Variants in ASIC2 observed in about 807,000 individuals in gnomAD.
ASIC2 encodes acid-sensing ion channel 2.
A neutral mutation model predicts 57.3 loss-of-function variants in ASIC2; 25 were observed. The ratio of observed to expected loss-of-function variants is 0.44; its 90% CI spans 0.32 to 0.61. The LOEUF (loss-of-function observed/expected upper bound fraction) is 0.61, where lower values mean the gene tolerates loss of function less well. Ranked by LOEUF, ASIC2 falls within the 20% of genes least tolerant of loss-of-function variation. The pLI is 0.06. For synonymous variants in ASIC2, 319 were observed against 307.5 expected (o/e 1.04, Z -0.39); for missense variants, 641 against 738.1 (o/e 0.87, Z 1.52).
chr17:33,422,884 G>A (rs895721915), intron 1 of ASIC2, among the ~76,000 whole-genome samples: 1 of 152,188 alleles, frequency 6.6e-6, no homozygotes, highest in Admixed American at 6.5e-5. Context: ...AGGGACAGTG[G>A]TAGGAACTGA....
chr17:33,862,647 C>T (rs1358591263), intron 1 of ASIC2, among the ~76,000 whole-genome samples: 1 of 152,148 alleles, frequency 6.6e-6, no homozygotes, highest in African/African-American at 2.4e-5. Flanking sequence ...CCCATAATAT[C>T]CAACCAGGTC....
At chr17:33,768,385 G>T (rs930142712) in intron 1 of ASIC2, among the ~76,000 whole-genome samples, 1 of 152,014 alleles carries the variant, frequency 6.6e-6, no homozygotes, top group African/African-American at 2.4e-5. Flanking sequence ...TTATCTAAGG[G>T]TCTAGAATCT....
chr17:33,483,547 G>A (rs1472813594), intron 1 of ASIC2, among the ~76,000 whole-genome samples: 7 of 152,232 alleles, frequency 4.6e-5, no homozygotes, highest in African/African-American at 1.7e-4. Flanking sequence ...AGCTATGTGA[G>A]CTCATACACG....
At chr17:33,639,877 A>G (rs548212377) in intron 1 of ASIC2, among the ~76,000 whole-genome samples, 5 of 152,282 alleles carry the variant, frequency 3.3e-5, no homozygotes, top group Non-Finnish European at 7.4e-5. Context: ...ACATCAATGG[A>G]TAATGATTAT....
intron 1 of ASIC2, among the ~76,000 whole-genome samples, chr17:33,275,665 A>G (rs1199671930): frequency 6.6e-6 from 1 of 152,170 alleles, no homozygotes; most frequent in Non-Finnish European, 1.5e-5. Flanking sequence ...TGGAGAATGG[A>G]CGTGAAACTG....
chr17:33,622,138 C>T (rs1432099920), intron 1 of ASIC2, among the ~76,000 whole-genome samples: 5 of 151,802 alleles, frequency 3.3e-5, no homozygotes, highest in African/African-American at 1.2e-4. Flanking sequence ...TGCAAGGTGT[C>T]TGAGATAAAA....
At chr17:33,115,104 C>G (rs1184074706) in intron 1 of ASIC2, among the ~76,000 whole-genome samples, 5 of 152,156 alleles carry the variant, frequency 3.3e-5, no homozygotes, top group Non-Finnish European at 7.4e-5. Context: ...GGGCTGGTAC[C>G]CATCCTAGCC....
intron 1 of ASIC2, among the ~76,000 whole-genome samples, chr17:33,394,969 C>T (rs1366583263): frequency 6.6e-6 from 1 of 151,834 alleles, no homozygotes; most frequent in Non-Finnish European, 1.5e-5. Flanking sequence ...ATCCATTTTT[C>T]CATTCACCCA....
chr17:33,607,077 C>G (rs189424350), intron 1 of ASIC2, among the ~76,000 whole-genome samples: 1 of 152,264 alleles, frequency 6.6e-6, no homozygotes, highest in Admixed American at 6.5e-5. Flanking sequence ...GACCCAGTGG[C>G]TGAGCATCCT....
In ASIC2 at chr17:33,631,322, AT is replaced by A. The variant is rs113222295; in HGVS notation, c.556-519256del. On this transcript the variant is annotated intron_variant, in intron 1 of 9. Transcript: ENST00000359872. ...TAAGCGTGGCATGCTGCTTTTAGTGATTTTTTTTTTTTTTTTTGGAGGGAGA... is the reference window on the plus strand; with the variant it reads ...TAAGCGTGGCATGCTGCTTTTAGTGATTTTTTTTTTTTTTTTGGAGGGAGA... Among the ~76,000 whole-genome samples, 1,172 of 134,472 alleles carry A rather than the reference AT, an allele frequency of 8.7e-3. 5 individuals carry two copies. The highest frequency in any genetic ancestry group is 0.021 in the African/African-American group (754 of 36,104). 88.2% of individuals were successfully genotyped at this position (134,472 alleles called of 152,430 possible).
chr17:33,776,698 T>C (rs1911291947), intron 1 of ASIC2, among the ~76,000 whole-genome samples: 1 of 152,132 alleles, frequency 6.6e-6, no homozygotes, highest in African/African-American at 2.4e-5. Context: ...CTGAGTGAGT[T>C]CCTGGTCTGG....
intron 1 of ASIC2, among the ~76,000 whole-genome samples, chr17:33,966,236 G>T (rs1186673163): frequency 6.6e-6 from 1 of 152,170 alleles, no homozygotes; most frequent in Admixed American, 6.5e-5. Context: ...TGGGTGATTT[G>T]TCCTGCCTGT....
At chr17:33,922,467 T>C (rs1915727898) in intron 1 of ASIC2, among the ~76,000 whole-genome samples, 1 of 152,224 alleles carries the variant, frequency 6.6e-6, no homozygotes, top group Admixed American at 6.5e-5. Flanking sequence ...CACTTTGTTC[T>C]AGGTGCTACA....
intron 1 of ASIC2, among the ~76,000 whole-genome samples, chr17:33,585,436 A>G (rs1024002300): frequency 6.6e-6 from 1 of 152,248 alleles, no homozygotes; most frequent in Non-Finnish European, 1.5e-5. Flanking sequence ...TTGAGAAATC[A>G]TTAAGTTAAA....
At chr17:34,108,089 T>C (rs1911126483) in intron 1 of ASIC2, among the ~76,000 whole-genome samples, 1 of 152,168 alleles carries the variant, frequency 6.6e-6, no homozygotes. Context: ...CGCTTTTTTT[T>C]ACTTATAAAC....
At chr17:33,524,096 A>G (rs986767546) in intron 1 of ASIC2, among the ~76,000 whole-genome samples, 9 of 152,112 alleles carry the variant, frequency 5.9e-5, no homozygotes, top group Non-Finnish European at 1.2e-4. Context: ...CCCTGGGCCA[A>G]TGCTGGTGTC....
At chr17:33,328,156 C>T (rs957659688) in intron 1 of ASIC2, among the ~76,000 whole-genome samples, 6 of 135,358 alleles carry the variant, frequency 4.4e-5, no homozygotes, top group African/African-American at 1.6e-4. Flanking sequence ...AGCAGCTCTA[C>T]TAGGAAATAA....
intron 1 of ASIC2, among the ~76,000 whole-genome samples, chr17:33,949,831 A>G (rs890505624): frequency 6.6e-6 from 1 of 152,268 alleles, no homozygotes; most frequent in South Asian, 2.1e-4. Flanking sequence ...GCAAAGGCTT[A>G]GTGAGGATTA....
intron 1 of ASIC2, among the ~76,000 whole-genome samples, chr17:33,405,676 G>A (rs1910448299): frequency 6.6e-6 from 1 of 151,844 alleles, no homozygotes; most frequent in African/African-American, 2.4e-5. Flanking sequence ...TAGAGACGGG[G>A]TTTCAACATG....
Sources: gnomAD v4.1 joint callset for allele counts (sites outside exome capture counted in the v4.1 genomes callset) on GRCh38, gnomAD v4.1.1 for gene constraint, MANE v1.5 for transcripts, NCBI Gene and HGNC (gene_info 2026-07-23, HGNC 2026-07-21) for gene names.